Variants in GPC6 observed in about 807,000 individuals in gnomAD.
The protein encoded by GPC6 is glypican-6.
Under a neutral mutation model 55.2 loss-of-function variants are expected in GPC6, and 14 were observed. That is an observed-to-expected ratio of 0.25 (90% CI 0.17 to 0.40). GPC6 has a LOEUF of 0.40. GPC6 is among the 10% of genes least tolerant of loss of function. The pLI is 1.00. For synonymous variants in GPC6, 278 were observed against 259.6 expected (o/e 1.07, Z -0.68); for missense variants, 641 against 708.5 (o/e 0.90, Z 1.08).
chr13:94,363,705 T>C (rs1415787578), intron 6 of GPC6, among the ~76,000 whole-genome samples: 1 of 152,178 alleles, frequency 6.6e-6, no homozygotes, highest in Non-Finnish European at 1.5e-5. Flanking sequence ...CAGCCATACA[T>C]GGCTATTGAC....
chr13:93,927,781 T>C (rs764446569), intron 3 of GPC6, among the ~76,000 whole-genome samples: 15 of 152,116 alleles, frequency 9.9e-5, no homozygotes, highest in Non-Finnish European at 2.2e-4. Flanking sequence ...ATTCAAGAAT[T>C]TAACACAATT....
chr13:93,862,251 A>G (rs1353340848), intron 3 of GPC6, among the ~76,000 whole-genome samples: 1 of 151,600 alleles, frequency 6.6e-6, no homozygotes, highest in East Asian at 2.0e-4. Flanking sequence ...GCCATTTCTA[A>G]GGTATTTAGG....
At position 94,308,994 on chromosome 13, in the gene GPC6, C is replaced by T. The variant is rs969993201; in HGVS notation, c.1152+2871C>T. Among the ~76,000 whole-genome samples, 7 of 152,152 alleles carry T rather than the reference C, an allele frequency of 4.6e-5. No homozygotes were observed. In the East Asian group the frequency reaches 5.8e-4, roughly 13 times the overall value. On this transcript the variant is annotated intron_variant, in intron 6 of 8. Coordinates refer to ENST00000377047, the MANE Select transcript of GPC6 (RefSeq NM_005708.5). ...GCTCATCTTTAAGAAGGATGCACTG[C>T]GAAACTATCCAGATGGGCCTGTCAT...
At chr13:93,891,722 A>G (rs1342926549) in intron 3 of GPC6, among the ~76,000 whole-genome samples, 1 of 151,884 alleles carries the variant, frequency 6.6e-6, no homozygotes, top group Non-Finnish European at 1.5e-5. Context: ...GTGTGCATAC[A>G]GTGTGTGTGT....
At chr13:93,350,645 C>T (rs1412470342) in intron 1 of GPC6, among the ~76,000 whole-genome samples, 1 of 152,090 alleles carries the variant, frequency 6.6e-6, no homozygotes, top group East Asian at 1.9e-4. Context: ...TTTCCCAGTT[C>T]ATTTCTCACT....
intron 1 of GPC6, among the ~76,000 whole-genome samples, chr13:93,398,236 A>T (rs538771560): frequency 6.6e-6 from 1 of 152,306 alleles, no homozygotes; most frequent in East Asian, 1.9e-4. Context: ...TGTTCTTTTT[A>T]TGTTTAAAAA....
chr13:93,860,844 C>A (rs1281405612), intron 3 of GPC6, among the ~76,000 whole-genome samples: 6 of 151,618 alleles, frequency 4.0e-5, no homozygotes, highest in African/African-American at 1.2e-4. Context: ...AATTTTGAAT[C>A]TCATCTTTTC....
chr13:94,253,569 C>T (rs1169402106), intron 4 of GPC6, among the ~76,000 whole-genome samples: 3 of 152,024 alleles, frequency 2.0e-5, no homozygotes, highest in Non-Finnish European at 4.4e-5. Context: ...ATGTGGGAGT[C>T]TTTGTGAGCT....
At chr13:93,635,990 C>T (rs1483461897) in intron 2 of GPC6, among the ~76,000 whole-genome samples, 3 of 152,028 alleles carry the variant, frequency 2.0e-5, no homozygotes, top group Non-Finnish European at 4.4e-5. Context: ...GAGGACAAAA[C>T]TCGGCTCCAC....
intron 4 of GPC6, among the ~76,000 whole-genome samples, chr13:94,067,478 G>GTCTCTC (rs5805845): frequency 2.1e-5 from 3 of 144,846 alleles, no homozygotes; most frequent in African/African-American, 5.3e-5. Flanking sequence ...CTGTCTGTCT[G>GTCTCTC]TCTCTCTCTC....
chr13:94,186,220 A>C (rs889903381), intron 4 of GPC6, among the ~76,000 whole-genome samples: 8 of 152,308 alleles, frequency 5.3e-5, no homozygotes, highest in Admixed American at 3.3e-4. Context: ...CAATCTTTTA[A>C]TATGAGGTCA....
At chr13:93,738,672 G>A (rs1884085574) in intron 2 of GPC6, among the ~76,000 whole-genome samples, 2 of 152,086 alleles carry the variant, frequency 1.3e-5, no homozygotes, top group Admixed American at 6.6e-5. Flanking sequence ...GTAGGAGAGA[G>A]AGGAGGGGAA....
intron 3 of GPC6, among the ~76,000 whole-genome samples, chr13:93,922,888 C>G (rs908680136): frequency 6.6e-6 from 1 of 152,084 alleles, no homozygotes; most frequent in Non-Finnish European, 1.5e-5. Flanking sequence ...GGCTATGAAA[C>G]AGACAAGACT....
intron 6 of GPC6, among the ~76,000 whole-genome samples, chr13:94,339,889 C>T (rs937644596): frequency 6.6e-6 from 1 of 151,010 alleles, no homozygotes; most frequent in African/African-American, 2.4e-5. Context: ...TCAGCCTCCC[C>T]AGTAGCTGGG....
intron 6 of GPC6, among the ~76,000 whole-genome samples, chr13:94,325,156 G>A (rs1877048676): frequency 6.6e-6 from 1 of 151,736 alleles, no homozygotes; most frequent in South Asian, 2.1e-4. Context: ...AGGAGAGGAG[G>A]GAGGGAGGGA....
At chr13:93,935,102 T>C (rs1039575819) in intron 3 of GPC6, among the ~76,000 whole-genome samples, 6 of 152,182 alleles carry the variant, frequency 3.9e-5, no homozygotes, top group Non-Finnish European at 8.8e-5. Context: ...CTTGTGTACA[T>C]GTGTTGTTGC....
At chr13:94,237,181 C>T (rs1296152876) in intron 4 of GPC6, among the ~76,000 whole-genome samples, 1 of 152,088 alleles carries the variant, frequency 6.6e-6, no homozygotes, top group East Asian at 1.9e-4. Flanking sequence ...AAAAAGACTA[C>T]AGAAATGGAT....
At chr13:94,023,213 G>A (rs1040681910) in intron 3 of GPC6, among the ~76,000 whole-genome samples, 5 of 151,570 alleles carry the variant, frequency 3.3e-5, no homozygotes, top group African/African-American at 1.2e-4. Flanking sequence ...AGCTTGAGGT[G>A]TTATTCTATT....
At chr13:93,650,900 G>C (rs968582435) in intron 2 of GPC6, among the ~76,000 whole-genome samples, 1 of 151,756 alleles carries the variant, frequency 6.6e-6, no homozygotes, top group African/African-American at 2.4e-5. Context: ...TGTGTAATTT[G>C]ATGATACACT....
Sources: gnomAD v4.1 joint callset for allele counts (sites outside exome capture counted in the v4.1 genomes callset) on GRCh38, gnomAD v4.1.1 for gene constraint, MANE v1.5 for transcripts, NCBI Gene and HGNC (gene_info 2026-07-23, HGNC 2026-07-21) for gene names.